The following WDFY4 variants were observed in gnomAD, a reference collection of about 807,000 sequenced individuals.
WDFY4 encodes WDFY family member 4.
A neutral mutation model predicts 351.9 loss-of-function variants in WDFY4; 169 were observed. The observed-to-expected ratio is 0.48, with a 90% confidence interval of 0.42 to 0.55. The LOEUF is 0.55. WDFY4 is among the 20% of genes least tolerant of loss of function. The pLI is 0.00. For synonymous variants in WDFY4, 1,622 were observed against 1,574.6 expected (o/e 1.03, Z -0.71); for missense variants, 3,803 against 3,935.6 (o/e 0.97, Z 0.90).
intron 2 of WDFY4, among the ~76,000 whole-genome samples, chr10:48,719,759 C>T (rs2064018540): frequency 6.6e-6 from 1 of 152,154 alleles, no homozygotes; most frequent in South Asian, 2.1e-4. Context: ...AGGCGGTGGA[C>T]TGGGCTCTGT....
intron 19 of WDFY4, among the ~76,000 whole-genome samples, chr10:48,782,968 T>A (rs1028101121): frequency 1.3e-5 from 2 of 152,142 alleles, no homozygotes; most frequent in African/African-American, 4.8e-5. Flanking sequence ...GAGGACTCTG[T>A]GCCTGCGAGA....
chr10:48,819,013 C>T (rs963059010), intron 32 of WDFY4, among the ~76,000 whole-genome samples: 2 of 152,220 alleles, frequency 1.3e-5, no homozygotes, highest in Non-Finnish European at 2.9e-5. Context: ...GCTCAGCCCC[C>T]ATGCCCAAGG....
chr10:48,755,181 T>A (rs2065300184), intron 12 of WDFY4, among the ~76,000 whole-genome samples: 1 of 152,172 alleles, frequency 6.6e-6, no homozygotes, highest in African/African-American at 2.4e-5. Flanking sequence ...ACATGTGTAA[T>A]CTTTTGAGCC....
intron 35 of WDFY4, among the ~76,000 whole-genome samples, chr10:48,824,820 T>G (rs759833954): frequency 2.0e-5 from 3 of 152,150 alleles, no homozygotes; most frequent in Non-Finnish European, 4.4e-5. Flanking sequence ...TTTTTTAACT[T>G]TTTGGAAAGA....
At chr10:48,798,266 C>T (rs936185646) in intron 24 of WDFY4, among the ~76,000 whole-genome samples, 5 of 151,000 alleles carry the variant, frequency 3.3e-5, no homozygotes, top group African/African-American at 2.4e-5. Flanking sequence ...AAAATCAAAA[C>T]GCAGAGAAAG....
At chr10:48,944,654 C>T (rs568938483) in intron 49 of WDFY4, among the ~76,000 whole-genome samples, 1 of 152,300 alleles carries the variant, frequency 6.6e-6, no homozygotes, top group African/African-American at 2.4e-5. Flanking sequence ...TGCAGCAAAA[C>T]GTTTCTCACT....
At chr10:48,787,911 T>TC (rs1565198762) in intron 20 of WDFY4, among the ~76,000 whole-genome samples, 3 of 43,874 alleles carry the variant, frequency 6.8e-5, no homozygotes, top group African/African-American at 3.7e-4. Context: ...TTCTTCTTCT[T>TC]CTTCTTCTTC....
intron 12 of WDFY4, 34 bp downstream of exon 12, chr10:48,743,582 C>A: frequency 6.6e-7 from 1 of 1,510,736 alleles, no homozygotes; most frequent in Non-Finnish European, 8.9e-7. Context: ...ATCAGTGCAT[C>A]TCTGTCTCCC....
In WDFY4 at chr10:48,807,657, A is replaced by G. The variant is rs941200446; in HGVS notation, c.4739-202A>G. On this transcript the variant is annotated intron_variant, in intron 27 of 61. Coordinates refer to ENST00000325239, the MANE Select transcript of WDFY4 (RefSeq NM_001394531.1). ...GATGTGCAGCATTGCAGACATTGCTAATTAAAGGAAACTTCAGTAACATTT... is the reference window on the plus strand; with the variant it reads ...GATGTGCAGCATTGCAGACATTGCTGATTAAAGGAAACTTCAGTAACATTT... Among the ~76,000 whole-genome samples the G allele has an allele frequency of 2.0e-5, 3 of 152,344 alleles. No homozygotes were observed. In the South Asian group the frequency reaches 6.2e-4, roughly 32 times the overall value.
intron 39 of WDFY4, among the ~76,000 whole-genome samples, chr10:48,851,774 C>A (rs1173250972): frequency 6.6e-6 from 1 of 152,238 alleles, no homozygotes; most frequent in East Asian, 1.9e-4. Context: ...CCTAGGGTGC[C>A]CCAGGCAAAG....
chr10:48,939,381 G>A (rs969113477), intron 47 of WDFY4, among the ~76,000 whole-genome samples: 3 of 152,220 alleles, frequency 2.0e-5, no homozygotes, highest in Non-Finnish European at 2.9e-5. Context: ...TGGCCAGTGT[G>A]TTGCAAGGAT....
chr10:48,702,261 C>T (rs879266085), intron 1 of WDFY4, among the ~76,000 whole-genome samples: 1 of 152,108 alleles, frequency 6.6e-6, no homozygotes, highest in Admixed American at 6.5e-5. Context: ...AGCTCCATAG[C>T]TCAGAACTGC....
chr10:48,926,106 C>G (rs529085953), intron 47 of WDFY4, among the ~76,000 whole-genome samples: 1 of 152,198 alleles, frequency 6.6e-6, no homozygotes, highest in Non-Finnish European at 1.5e-5. Flanking sequence ...CTGTGCTCCC[C>G]CAGTGGCAAA....
chr10:48,892,144 A>G (rs1358246803), intron 44 of WDFY4, among the ~76,000 whole-genome samples: 1 of 152,220 alleles, frequency 6.6e-6, no homozygotes, highest in Non-Finnish European at 1.5e-5. Context: ...CTGAGAGCGG[A>G]TGAAAGCTTT....
At chr10:48,863,827 G>C (rs1231394248) in intron 39 of WDFY4, among the ~76,000 whole-genome samples, 1 of 152,166 alleles carries the variant, frequency 6.6e-6, no homozygotes, top group Non-Finnish European at 1.5e-5. Context: ...GAGGCCTCAG[G>C]AAACTTACAA....
In WDFY4 at chr10:48,977,079, G is replaced by A. The variant is rs1378192710; in HGVS notation, c.9291+100G>A. On this transcript the variant is annotated intron_variant, in intron 59 of 61. Transcript: ENST00000325239. ...GGGGCCAAACCTGCAGGTTGCATTTGAGACCATTCCAGAACGGGTACCTAC... is the reference window on the plus strand; with the variant it reads ...GGGGCCAAACCTGCAGGTTGCATTTAAGACCATTCCAGAACGGGTACCTAC... The A allele has an allele frequency of 4.0e-6, 5 of 1,240,190 alleles. No individual in the cohort carries two copies. The African/African-American group carries it at 6.2e-5, about 15-fold the overall frequency. The allele number at this position is 1,240,190 out of a possible 1,614,324, so 76.8% of individuals were successfully genotyped here. A position where few individuals can be genotyped will look rare whatever the true frequency, so the allele number is the denominator to read the frequency against.
At chr10:48,701,306 T>C (rs2063473531) in intron 1 of WDFY4, among the ~76,000 whole-genome samples, 1 of 152,248 alleles carries the variant, frequency 6.6e-6, no homozygotes, top group Non-Finnish European at 1.5e-5. Context: ...TGATTACACA[T>C]TCATCTATCA....
chr10:48,730,483 G>C (rs898554309), intron 8 of WDFY4, among the ~76,000 whole-genome samples: 3 of 152,180 alleles, frequency 2.0e-5, no homozygotes, highest in Admixed American at 6.5e-5. Flanking sequence ...AGTGTCTCCT[G>C]GGGGAGAGAG....
chr10:48,841,865 G>A (rs541014720), intron 39 of WDFY4, among the ~76,000 whole-genome samples: 1 of 152,326 alleles, frequency 6.6e-6, no homozygotes, highest in African/African-American at 2.4e-5. Context: ...AAGCCAGCAT[G>A]TTCAAGTCTC....
Sources: gnomAD v4.1 joint callset for allele counts (sites outside exome capture counted in the v4.1 genomes callset) on GRCh38, gnomAD v4.1.1 for gene constraint, MANE v1.5 for transcripts, NCBI Gene and HGNC (gene_info 2026-07-23, HGNC 2026-07-21) for gene names.